Variants in HACL1 observed in about 807,000 individuals in gnomAD.
The protein encoded by HACL1 is 2-hydroxyacyl-CoA lyase 1.
HACL1 carries 64 observed loss-of-function variants against 74.2 expected under a neutral mutation model. The observed-to-expected ratio is 0.86, with a 90% CI of 0.70 to 1.06. The LOEUF (loss-of-function observed/expected upper bound fraction) is 1.06, where lower values mean the gene tolerates loss of function less well. HACL1 is among the 50% of genes least tolerant of loss of function. The pLI, the probability that HACL1 is intolerant of heterozygous loss-of-function variation, is 0.00. For synonymous variants in HACL1, 230 were observed against 238.8 expected (o/e 0.96, Z 0.34); for missense variants, 728 against 719.7 (o/e 1.01, Z -0.13).
At chr3:15,579,108 T>C (rs1235816092) in intron 9 of HACL1, among the ~76,000 whole-genome samples, 1 of 152,198 alleles carries the variant, frequency 6.6e-6, no homozygotes, top group African/African-American at 2.4e-5. Flanking sequence ...TCTAATCACG[T>C]TGACTGATTG....
intron 3 of HACL1, chr3:15,596,085 AT>A: frequency 3.7e-6 from 1 of 266,732 alleles, no homozygotes; most frequent in Non-Finnish European, 7.1e-6. Context: ...TGAACCAAGC[AT>A]TTTTGTATTA....
At chr3:15,570,196 G>A (rs539425820) in intron 12 of HACL1, among the ~76,000 whole-genome samples, 134 of 151,234 alleles carry the variant, frequency 8.9e-4, no homozygotes, top group African/African-American at 3.0e-3. Context: ...TTAGCTGGGC[G>A]TGGTGGCACA....
intron 1 of HACL1, 87 bp downstream of exon 1, chr3:15,601,296 T>G: frequency 1.3e-6 from 2 of 1,576,364 alleles, no homozygotes; most frequent in East Asian, 4.5e-5. Context: ...CCGACCCCCA[T>G]CGCCCATTTC....
chr3:15,564,208 G>A (rs190833114), intron 15 of HACL1, among the ~76,000 whole-genome samples: 147 of 152,312 alleles, frequency 9.7e-4, no homozygotes, highest in African/African-American at 2.4e-3. Flanking sequence ...CAAATAATAC[G>A]TAAACATCCA....
chr3:15,584,803 GA>G (rs2063766825), intron 7 of HACL1, among the ~76,000 whole-genome samples: 1 of 152,118 alleles, frequency 6.6e-6, no homozygotes, highest in African/African-American at 2.4e-5. Flanking sequence ...GTTTATTTAA[GA>G]AATATGAGAA....
chr3:15,592,023 C>T (rs1481598128), intron 3 of HACL1, among the ~76,000 whole-genome samples: 1 of 141,394 alleles, frequency 7.1e-6, no homozygotes, highest in South Asian at 2.2e-4. Context: ...TATATACACA[C>T]ACTACATACG....
intron 3 of HACL1, among the ~76,000 whole-genome samples, chr3:15,593,781 T>TG (rs1374572631): frequency 9.0e-5 from 13 of 144,702 alleles, no homozygotes; most frequent in African/African-American, 3.2e-4. Flanking sequence ...AAATGTTTTG[T>TG]GTTTTTTTTT....
At chr3:15,566,816 T>C (rs1369036415) in intron 14 of HACL1, among the ~76,000 whole-genome samples, 1 of 86,472 alleles carries the variant, frequency 1.2e-5, no homozygotes. Flanking sequence ...GTTAAGTGAC[T>C]TTTTTTTTTT....
At chr3:15,562,707 G>A (rs2125221201) in intron 16 of HACL1, among the ~76,000 whole-genome samples, 1 of 152,282 alleles carries the variant, frequency 6.6e-6, no homozygotes, top group Admixed American at 6.5e-5. Context: ...ACTTACTCTG[G>A]GATAGGAGAG....
At chr3:15,562,045 G>A (rs2063353821) in intron 16 of HACL1, among the ~76,000 whole-genome samples, 2 of 152,202 alleles carry the variant, frequency 1.3e-5, no homozygotes, top group Non-Finnish European at 2.9e-5. Context: ...ATGCCCGGAG[G>A]AGGGTGTTTT....
In HACL1 at chr3:15,571,734, A is replaced by G. The variant is rs1368547446; in HGVS notation, c.1029T>C (p.Tyr343=). 3 of 1,505,838 alleles carry G rather than the reference A, an allele frequency of 2.0e-6. No individual in the cohort carries two copies. The allele number at this position is 1,505,838 out of a possible 1,614,324, so 93.3% of individuals were successfully genotyped here. Residue 343 remains tyrosine, a synonymous_variant, in exon 12 of 17, where the codon TAT becomes TAC. Transcript: ENST00000321169. ...LEELDKTPWQ[Y]PPESKWWKTL... ...TTTTCCACCACTTGCTCTCTGGAGG[A>G]TACTGCCATGGTGTTTTATCAAGTT...
intron 9 of HACL1, among the ~76,000 whole-genome samples, chr3:15,577,413 A>G (rs930934522): frequency 6.6e-6 from 1 of 152,118 alleles, no homozygotes; most frequent in African/African-American, 2.4e-5. Flanking sequence ...AACTACAGAA[A>G]GGGAAGCAAG....
At chr3:15,593,512 C>G (rs375494788) in intron 3 of HACL1, among the ~76,000 whole-genome samples, 1 of 151,842 alleles carries the variant, frequency 6.6e-6, no homozygotes, top group Admixed American at 6.6e-5. Flanking sequence ...AGCCAGCATG[C>G]CTGGCCCAAA....
At chr3:15,581,080 T>G (rs992062140) in intron 8 of HACL1, among the ~76,000 whole-genome samples, 1 of 152,168 alleles carries the variant, frequency 6.6e-6, no homozygotes, top group African/African-American at 2.4e-5. Flanking sequence ...TTTTGTATTT[T>G]CAGTAGAGAC....
rs750532297 is a variant in HACL1 at position 15,583,021 on chromosome 3, G to A, written c.555-32C>T. 5.1e-6 allele frequency: 5 copies of A among 989,746 alleles called. No individual in the cohort carries two copies. In the African/African-American group the frequency reaches 6.6e-5, roughly 13 times the overall value. 61.3% of individuals were successfully genotyped at this position (989,746 alleles called of 1,614,324 possible). On this transcript the variant is annotated intron_variant, in intron 7 of 16. Coordinates refer to ENST00000321169, the MANE Select transcript of HACL1 (RefSeq NM_012260.4). ...AAAAAGAGCCCTATTAATTAAAAGA[G>A]GCCAACTATGATCTTTTTATTGTGA...
At chr3:15,575,964 T>A (rs934624486) in intron 9 of HACL1, among the ~76,000 whole-genome samples, 17 of 151,018 alleles carry the variant, frequency 1.1e-4, no homozygotes, top group Non-Finnish European at 2.2e-4. Context: ...GAGACCACCC[T>A]GGCCAACATA....
chr3:15,600,737 G>C, intron 2 of HACL1: 1 of 297,082 alleles, frequency 3.4e-6, no homozygotes, highest in Non-Finnish European at 6.5e-6. Flanking sequence ...TAATATCCCT[G>C]CTCTAATGGA....
chr3:15,591,893 G>C (rs1221412860), intron 3 of HACL1, among the ~76,000 whole-genome samples: 1 of 149,738 alleles, frequency 6.7e-6, no homozygotes, highest in Non-Finnish European at 1.5e-5. Flanking sequence ...TACGTATATA[G>C]TGTATACACT....
intron 3 of HACL1, 72 bp from the exon 4 acceptor site, chr3:15,591,752 C>A: frequency 1.1e-6 from 1 of 938,002 alleles, no homozygotes; most frequent in East Asian, 2.7e-5. Flanking sequence ...TAGTGTGAAA[C>A]ATGGCAATCT....
Sources: allele counts gnomAD v4.1 joint callset (sites outside exome capture counted in the v4.1 genomes callset), GRCh38; gene constraint gnomAD v4.1.1; transcripts MANE v1.5; gene names NCBI Gene and HGNC (gene_info 2026-07-23, HGNC 2026-07-21).